Variants in MTURN observed in about 807,000 individuals in gnomAD.
MTURN encodes the protein maturin.
In MTURN, 7 loss-of-function variants were observed where a neutral mutation model predicts 14.9. The ratio of observed to expected loss-of-function variants is 0.47; its 90% CI spans 0.27 to 0.88. The LOEUF (loss-of-function observed/expected upper bound fraction) is 0.88, where lower values mean the gene tolerates loss of function less well. MTURN is among the 40% of genes least tolerant of loss of function. The pLI is 0.14. For synonymous variants in MTURN, 69 were observed against 72.5 expected (o/e 0.95, Z 0.25); for missense variants, 151 against 174.1 (o/e 0.87, Z 0.75).
intron 1 of MTURN, among the ~76,000 whole-genome samples, chr7:30,143,964 AC>A (rs1200101296): frequency 6.6e-6 from 1 of 152,246 alleles, no homozygotes; most frequent in Admixed American, 6.5e-5. Context: ...TCATAGGTGC[AC>A]CTGCTTCTGA....
At chr7:30,146,037 A>G in intron 1 of MTURN, 140 bp from the exon 2 acceptor site, 1 of 1,581,596 alleles carries the variant, frequency 6.3e-7, no homozygotes, top group Non-Finnish European at 8.6e-7. Flanking sequence ...TCAAGAACGC[A>G]TGTATGAATT....
At position 30,146,307 on chromosome 7, in the gene MTURN, C is replaced by T. The variant is rs764871408; in HGVS notation, c.285+8C>T. ...TTCAAGTCTTTCAGACCTGTAGGTG[C>T]CTGCTTGGCTTCTCACCACAGCTTG... On this transcript the variant is annotated splice_region_variant and intron_variant, in intron 2 of 2. Transcript: ENST00000324453. 6 of 1,613,674 alleles carry T rather than the reference C, an allele frequency of 3.7e-6. No homozygotes were observed. The Admixed American group carries it at 8.3e-5, about 22-fold the overall frequency.
At chr7:30,135,641 T>G (rs1156595076) in intron 1 of MTURN, among the ~76,000 whole-genome samples, 1 of 152,120 alleles carries the variant, frequency 6.6e-6, no homozygotes, top group African/African-American at 2.4e-5. Context: ...GTGCCTGGCA[T>G]GGAGCATCCC....
At chr7:30,146,896 TGC>T (rs1797138573) in intron 2 of MTURN, among the ~76,000 whole-genome samples, 2 of 152,226 alleles carry the variant, frequency 1.3e-5, no homozygotes, top group African/African-American at 2.4e-5. Context: ...TTAAAATGAA[TGC>T]TCACTTCTAT....
Position 30,157,629 on chromosome 7 carries a change from G to A in MTURN, c.*81G>A, listed in dbSNP as rs1797307716. ...ACTGCCCCTCCTGGGTTAGCATTTTGCATTAGCACTTCGAAATAGGACATC... is the reference window on the plus strand; with the variant it reads ...ACTGCCCCTCCTGGGTTAGCATTTTACATTAGCACTTCGAAATAGGACATC... On this transcript the variant is annotated 3_prime_UTR_variant, in exon 3 of 3. Coordinates refer to ENST00000324453, the MANE Select transcript of MTURN (RefSeq NM_152793.3). 1.0e-6 allele frequency: 1 copy of A among 988,556 alleles called. No individual in the cohort carries two copies. Among genetic ancestry groups the A allele is most frequent in the African/African-American group, 1.7e-5 (1 of 59,540 alleles). 61.2% of individuals were successfully genotyped at this position (988,556 alleles called of 1,614,324 possible).
Position 30,135,347 on chromosome 7 carries a change from G to A in MTURN, c.162+49G>A, listed in dbSNP as rs765172907. 9.6e-6 allele frequency: 14 copies of A among 1,453,522 alleles called. No individual in the cohort carries two copies. The East Asian group carries it at 4.2e-4, about 43-fold the overall frequency. 90.0% of individuals were successfully genotyped at this position (1,453,522 alleles called of 1,614,324 possible). A position where few individuals can be genotyped will look rare whatever the true frequency, so the allele number is the denominator to read the frequency against. ...CCGGAGCCGGCGGGAGTGTGGACGC[G>A]GCGGTGCGTCCCTGCGCCCGAGCTC... On this transcript the variant is annotated intron_variant, in intron 1 of 2. Transcript: ENST00000324453.
intron 2 of MTURN, among the ~76,000 whole-genome samples, chr7:30,150,688 T>A (rs1299518727): frequency 3.3e-5 from 5 of 152,162 alleles, no homozygotes; most frequent in African/African-American, 1.2e-4. Flanking sequence ...AGTGGCTTCA[T>A]GAGGAGGTGG....
chr7:30,152,607 G>A (rs1797229137), intron 2 of MTURN, among the ~76,000 whole-genome samples: 1 of 152,204 alleles, frequency 6.6e-6, no homozygotes, highest in South Asian at 2.1e-4. Context: ...GATCTCTGAA[G>A]CCACAGGGCA....
intron 1 of MTURN, among the ~76,000 whole-genome samples, chr7:30,143,137 C>G (rs2128031046): frequency 6.6e-6 from 1 of 152,300 alleles, no homozygotes; most frequent in East Asian, 1.9e-4. Flanking sequence ...AATAACCGCT[C>G]TGCCCCCAAC....
intron 2 of MTURN, among the ~76,000 whole-genome samples, chr7:30,151,538 T>C (rs1049363553): frequency 1.3e-5 from 2 of 152,220 alleles, no homozygotes; most frequent in Non-Finnish European, 2.9e-5. Context: ...AGAGAAGAAA[T>C]AGCCTACTAT....
chr7:30,138,066 C>T (rs545078509), intron 1 of MTURN, among the ~76,000 whole-genome samples: 6 of 152,146 alleles, frequency 3.9e-5, no homozygotes, highest in African/African-American at 7.2e-5. Context: ...CTCAGCTCCC[C>T]GTATTTGTGT....
At chr7:30,150,328 G>T (rs1012898673) in intron 2 of MTURN, among the ~76,000 whole-genome samples, 1 of 152,166 alleles carries the variant, frequency 6.6e-6, no homozygotes, top group Non-Finnish European at 1.5e-5. Context: ...AAAACAATTT[G>T]CTAAGTGATT....
chr7:30,157,316 C>T (rs762205229), intron 2 of MTURN, 122 bp from the exon 3 acceptor site: 8 of 634,426 alleles, frequency 1.3e-5, no homozygotes, highest in African/African-American at 3.8e-5. Context: ...GGGTGGTTGA[C>T]GGGGAAGTCT....
chr7:30,149,468 A>T (rs1444857078), intron 2 of MTURN, among the ~76,000 whole-genome samples: 1 of 152,168 alleles, frequency 6.6e-6, no homozygotes, highest in East Asian at 1.9e-4. Context: ...ACTGGTAAAG[A>T]TGAAGTGCTG....
At chr7:30,151,393 T>C (rs1178639368) in intron 2 of MTURN, among the ~76,000 whole-genome samples, 1 of 152,200 alleles carries the variant, frequency 6.6e-6, no homozygotes, top group Non-Finnish European at 1.5e-5. Flanking sequence ...TCATACACGA[T>C]TGAGCTGGAG....
chr7:30,145,841 G>A, intron 1 of MTURN: 1 of 1,540,012 alleles, frequency 6.5e-7, no homozygotes, highest in Non-Finnish European at 8.7e-7. Flanking sequence ...CCTTCCCCAT[G>A]TCTGAAAACC....
At chr7:30,135,808 C>T (rs368264384) in intron 1 of MTURN, among the ~76,000 whole-genome samples, 2 of 152,348 alleles carry the variant, frequency 1.3e-5, no homozygotes, top group African/African-American at 2.4e-5. Flanking sequence ...TCGCATTGCC[C>T]CTCCCGGGAG....
At chr7:30,150,571 G>T (rs1003358923) in intron 2 of MTURN, among the ~76,000 whole-genome samples, 2 of 152,204 alleles carry the variant, frequency 1.3e-5, no homozygotes, top group Non-Finnish European at 1.5e-5. Context: ...AGTTTTCTAT[G>T]ATCACATTAT....
chr7:30,147,542 T>G (rs1442602344), intron 2 of MTURN, among the ~76,000 whole-genome samples: 1 of 152,228 alleles, frequency 6.6e-6, no homozygotes, highest in African/African-American at 2.4e-5. Flanking sequence ...GGAAAACTGT[T>G]AGAGTAGCCT....
Sources: gnomAD v4.1 joint callset for allele counts (sites outside exome capture counted in the v4.1 genomes callset) on GRCh38, gnomAD v4.1.1 for gene constraint, MANE v1.5 for transcripts, NCBI Gene and HGNC (gene_info 2026-07-23, HGNC 2026-07-21) for gene names.